ADGRV1: variants seen among roughly 807,000 people sequenced by gnomAD.
The protein encoded by ADGRV1 is adhesion G protein-coupled receptor V1.
Under a neutral mutation model 596.2 loss-of-function variants are expected in ADGRV1, and 359 were observed. The observed-to-expected ratio is 0.60, with a 90% CI of 0.55 to 0.66. ADGRV1 has a LOEUF of 0.66. Among genes scored for constraint, ADGRV1 ranks in the 30% least tolerant of loss-of-function variants. The pLI is 0.00. For missense variants in ADGRV1, 7,274 were observed against 7,575.6 expected, an observed-to-expected ratio of 0.96 and a Z score of 1.48; for synonymous variants, 2,681 against 2,679.2, an observed-to-expected ratio of 1.00 and a Z score of -0.02.
At chr5:90,801,382 C>G (rs1170443510) in intron 70 of ADGRV1, among the ~76,000 whole-genome samples, 1 of 151,890 alleles carries the variant, frequency 6.6e-6, no homozygotes, top group African/African-American at 2.4e-5. Flanking sequence ...TGACCTGGTG[C>G]TTTAAGCTGA....
At chr5:90,850,454 C>A (rs533760504) in intron 79 of ADGRV1, among the ~76,000 whole-genome samples, 1 of 152,284 alleles carries the variant, frequency 6.6e-6, no homozygotes, top group African/African-American at 2.4e-5. Context: ...ATAAATGTCT[C>A]TAATGCTGTC....
intron 84 of ADGRV1, among the ~76,000 whole-genome samples, chr5:90,984,279 G>A (rs979651939): frequency 2.0e-5 from 3 of 152,138 alleles, no homozygotes; most frequent in African/African-American, 4.8e-5. Flanking sequence ...AAATTGAGAA[G>A]GAGGATTTAT....
intron 1 of ADGRV1, among the ~76,000 whole-genome samples, chr5:90,595,730 G>A (rs1218941189): frequency 7.7e-4 from 100 of 129,336 alleles, no homozygotes; most frequent in Middle Eastern, 4.5e-3. Context: ...TTCCCAGTAG[G>A]GGCGGCCGGG....
intron 85 of ADGRV1, among the ~76,000 whole-genome samples, chr5:91,062,444 G>A (rs2151359682): frequency 6.6e-6 from 1 of 152,314 alleles, no homozygotes; most frequent in South Asian, 2.1e-4. Flanking sequence ...GGTGGAGGAT[G>A]TAGCACAGGG....
intron 70 of ADGRV1, among the ~76,000 whole-genome samples, chr5:90,798,508 C>A (rs563037509): frequency 6.6e-6 from 1 of 152,304 alleles, no homozygotes; most frequent in Non-Finnish European, 1.5e-5. Flanking sequence ...CAAAGAGGAG[C>A]TGGTACCCTA....
intron 9 of ADGRV1, among the ~76,000 whole-genome samples, chr5:90,632,235 T>G (rs1404605522): frequency 6.6e-6 from 1 of 152,148 alleles, no homozygotes. Context: ...TTAAAACAAG[T>G]GGAATGAGAC....
At chr5:91,065,744 A>G (rs1286225696) in intron 85 of ADGRV1, among the ~76,000 whole-genome samples, 1 of 152,236 alleles carries the variant, frequency 6.6e-6, no homozygotes, top group Non-Finnish European at 1.5e-5. Context: ...AGGAGAGATA[A>G]TAATCTTACT....
chr5:90,868,116 G>T (rs143824855), intron 83 of ADGRV1, among the ~76,000 whole-genome samples: 4 of 152,042 alleles, frequency 2.6e-5, no homozygotes, highest in Admixed American at 6.6e-5. Flanking sequence ...GTCTATGGCG[G>T]GTTTCCGGAT....
At position 90,802,883 on chromosome 5, in the gene ADGRV1, G is replaced by T; in HGVS notation, c.14661+1G>T. 1 of 1,600,740 alleles carries T rather than the reference G, an allele frequency of 6.2e-7. No homozygotes were observed. The highest frequency in any genetic ancestry group is 8.5e-7 in the Non-Finnish European group (1 of 1,173,180). On this transcript the variant is annotated splice_donor_variant, in intron 71 of 89. Transcript: ENST00000405460. LOFTEE classifies it high-confidence loss of function. ...CTCTGAGAAAGCTGCCAATTCTCAG[G>T]TAATTGGCCCTGTGTGTGGTTCTCT...
intron 64 of ADGRV1, chr5:90,779,374 C>T (rs376748120): frequency 4.9e-5 from 10 of 205,116 alleles, no homozygotes; most frequent in South Asian, 4.3e-4. Context: ...AATATGATAA[C>T]GGCTTCTAAT....
chr5:90,816,248 T>C lies in ADGRV1; in HGVS notation c.16196+512T>C, dbSNP rs529623748. On this transcript the variant is annotated intron_variant, in intron 75 of 89. Transcript: ENST00000405460. The stretch of plus-strand genomic sequence containing the variant: ...CCATTATGAGTGGAAGTGTTGTTTC[T>C]TTAGAAAAATCCTTTTTAAAAGAGA... Among the ~76,000 whole-genome samples the C allele has an allele frequency of 1.3e-3, 204 of 152,280 alleles. 2 individuals carry two copies. The highest frequency in any genetic ancestry group is 4.5e-3 in the African/African-American group (189 of 41,576).
At chr5:90,996,240 G>A (rs535209337) in intron 85 of ADGRV1, among the ~76,000 whole-genome samples, 151 of 152,278 alleles carry the variant, frequency 9.9e-4, no homozygotes, top group Non-Finnish European at 1.7e-3. Context: ...GCCTGGGAGG[G>A]AAAAATGGTT....
Position 90,750,588 on chromosome 5 carries a change from A to G in ADGRV1, c.11012A>G (p.Asp3671Gly), listed in dbSNP as rs773418830. ...LYKQVEEMEQ[D>G]SLVTLNVERL... ...AAGCAAGTGGAAGAAATGGAGCAAG[A>G]TAGCCTAGTAACCTTGAACGTTGAA... is the stretch of plus-strand genomic sequence containing the variant. The change falls in exon 53 of 90, where the codon GAT becomes GGT. Residue 3671 changes from aspartate to glycine, a missense_variant. Asp to Gly is a moderately conservative substitution (Grantham distance 94, BLOSUM62 -1). Coordinates refer to ENST00000405460, the MANE Select transcript of ADGRV1 (RefSeq NM_032119.4). The G allele has an allele frequency of 1.7e-5, 27 of 1,612,242 alleles. No individual in the cohort carries two copies. Among genetic ancestry groups the G allele is most frequent in the Non-Finnish European group, 2.2e-5 (26 of 1,178,864 alleles).
intron 43 of ADGRV1, 59 bp downstream of exon 43, chr5:90,716,788 T>G: frequency 7.4e-7 from 1 of 1,354,410 alleles, no homozygotes; most frequent in South Asian, 1.4e-5. Flanking sequence ...CAAAATAAAT[T>G]TCTCTTAGAT....
In ADGRV1 at chr5:90,617,844, C is replaced by G. The variant is rs1456453045; in HGVS notation, c.248C>G (p.Ala83Gly). ...EDAGDFFDTY[A>G]AAFIPAGETN... The stretch of plus-strand genomic sequence containing the variant: ...GCTGGTGACTTTTTTGACACATATG[C>G]TGCAGCTTTTATACCTGCCGGAGAA... The change falls in exon 3 of 90, where the codon GCT becomes GGT. Residue 83 changes from alanine to glycine, a missense_variant. Around this residue, in one of 5 missense-constraint regions of ADGRV1, gnomAD observed 1,715 missense variants for 1,708.8 expected, o/e 1.00. Coordinates refer to ENST00000405460, the MANE Select transcript of ADGRV1 (RefSeq NM_032119.4). 1 of 1,599,682 alleles carries G rather than the reference C, an allele frequency of 6.3e-7. No homozygotes were observed. Among genetic ancestry groups the G allele is most frequent in the Admixed American group, 1.7e-5 (1 of 58,102 alleles).
chr5:91,020,385 T>C (rs1043844154), intron 85 of ADGRV1, among the ~76,000 whole-genome samples: 1 of 152,062 alleles, frequency 6.6e-6, no homozygotes, highest in Non-Finnish European at 1.5e-5. Flanking sequence ...ATAGCTTCCA[T>C]TACATATGAC....
chr5:90,607,110 G>A (rs1023652944), intron 1 of ADGRV1, among the ~76,000 whole-genome samples: 2 of 152,098 alleles, frequency 1.3e-5, no homozygotes, highest in African/African-American at 4.8e-5. Flanking sequence ...AACCTGCAAG[G>A]ACAAAAGGAA....
chr5:90,704,266 C>A, intron 35 of ADGRV1, 123 bp from the exon 36 acceptor site: 1 of 666,824 alleles, frequency 1.5e-6, no homozygotes, highest in South Asian at 2.0e-5. Flanking sequence ...TTTTAAGCCA[C>A]AGAACTTTTG....
intron 1 of ADGRV1, among the ~76,000 whole-genome samples, chr5:90,583,752 T>C (rs1265363664): frequency 6.6e-6 from 1 of 152,190 alleles, no homozygotes; most frequent in Non-Finnish European, 1.5e-5. Flanking sequence ...AGTTAATCAC[T>C]AGGTGTAAGG....
Sources: allele counts gnomAD v4.1 joint callset (sites outside exome capture counted in the v4.1 genomes callset), GRCh38; gene constraint gnomAD v4.1.1; regional missense constraint gnomAD v4.1.1; transcripts MANE v1.5; gene names NCBI Gene and HGNC (gene_info 2026-07-23, HGNC 2026-07-21).